PLEKHH2: variants seen among roughly 807,000 people sequenced by gnomAD.
The protein encoded by PLEKHH2 is pleckstrin homology domain-containing family H member 2.
In PLEKHH2, 129 loss-of-function variants were observed where a neutral mutation model predicts 187.9. The ratio of observed to expected loss-of-function variants is 0.69; its 90% confidence interval spans 0.59 to 0.79. The LOEUF is 0.79. Ranked by LOEUF, PLEKHH2 falls within the 30% of genes least tolerant of loss-of-function variation. The pLI is 0.00. For synonymous variants in PLEKHH2, 686 were observed against 605.6 expected (o/e 1.13, Z -1.95); for missense variants, 2,076 against 1,751.2 (o/e 1.19, Z -3.31).
At chr2:43,673,703 G>C (rs1207241565) in intron 2 of PLEKHH2, among the ~76,000 whole-genome samples, 2 of 152,182 alleles carry the variant, frequency 1.3e-5, no homozygotes, top group African/African-American at 4.8e-5. Flanking sequence ...TATAAATGCT[G>C]TGAAATAAGT....
intron 25 of PLEKHH2, among the ~76,000 whole-genome samples, chr2:43,756,071 T>C (rs1672198504): frequency 6.6e-6 from 1 of 152,142 alleles, no homozygotes; most frequent in South Asian, 2.1e-4. Context: ...CCCTTAATAC[T>C]CCCTACCTTG....
intron 17 of PLEKHH2, among the ~76,000 whole-genome samples, chr2:43,728,350 G>C (rs539233778): frequency 6.6e-6 from 1 of 151,026 alleles, no homozygotes; most frequent in Non-Finnish European, 1.5e-5. Context: ...GTGGTGACAG[G>C]TTCCTGTAAT....
chr2:43,752,604 C>T (rs1467112502), intron 24 of PLEKHH2, among the ~76,000 whole-genome samples: 5 of 152,110 alleles, frequency 3.3e-5, no homozygotes, highest in Non-Finnish European at 5.9e-5. Flanking sequence ...GAGCACACAC[C>T]TAACAGTTAC....
intron 21 of PLEKHH2, 151 bp from the exon 22 acceptor site, chr2:43,742,590 C>T: frequency 2.0e-6 from 1 of 508,938 alleles, no homozygotes. Flanking sequence ...AGGAAAGTTA[C>T]AGCAGTTTAG....
At position 43,714,986 on chromosome 2, in the gene PLEKHH2, A is replaced by C. The variant is rs13388754; in HGVS notation, c.2460+2603A>C. ...TCTAGGCTAGGAGACAGCGCGAATGAAGGCTTAGAGTCTTGAAGCAGTGGC... is the reference window on the plus strand; with the variant it reads ...TCTAGGCTAGGAGACAGCGCGAATGCAGGCTTAGAGTCTTGAAGCAGTGGC... On this transcript the variant is annotated intron_variant, in intron 15 of 29. Coordinates refer to ENST00000282406, the MANE Select transcript of PLEKHH2 (RefSeq NM_172069.4). 3.3e-3 allele frequency among the ~76,000 whole-genome samples: 498 copies of C among 152,274 alleles called. 4 individuals are homozygous for C. The highest frequency in any genetic ancestry group is 0.011 in the African/African-American group (474 of 41,564).
chr2:43,749,301 G>A (rs928264587), intron 24 of PLEKHH2, among the ~76,000 whole-genome samples: 1 of 152,168 alleles, frequency 6.6e-6, no homozygotes, highest in African/African-American at 2.4e-5. Context: ...GGAATGTCTG[G>A]GTTGCCATAA....
Position 43,745,965 on chromosome 2 carries a change from T to A in PLEKHH2, c.3653+2T>A. On this transcript the variant is annotated splice_donor_variant, in intron 24 of 29. Transcript: ENST00000282406. LOFTEE classifies it high-confidence loss of function. ...TGTTCGTCTGACATACAAAAACAGGTGTGTAATACTGCATCCAGATGCCAA... is the reference window on the plus strand; with the variant it reads ...TGTTCGTCTGACATACAAAAACAGGAGTGTAATACTGCATCCAGATGCCAA... 6.3e-7 allele frequency: 1 copy of A among 1,580,274 alleles called. No individual in the cohort carries two copies. The highest frequency in any genetic ancestry group is 8.7e-7 in the Non-Finnish European group (1 of 1,153,682).
intron 2 of PLEKHH2, among the ~76,000 whole-genome samples, chr2:43,674,713 G>A (rs1422128194): frequency 6.6e-6 from 1 of 152,076 alleles, no homozygotes; most frequent in Non-Finnish European, 1.5e-5. Context: ...GGCTGCGTGT[G>A]GTGGGTCATG....
At chr2:43,667,145 T>C (rs1311358848) in intron 2 of PLEKHH2, among the ~76,000 whole-genome samples, 2 of 152,128 alleles carry the variant, frequency 1.3e-5, no homozygotes, top group Non-Finnish European at 2.9e-5. Flanking sequence ...TTTTTGTATA[T>C]GATGCAAGAT....
At chr2:43,722,474 A>C (rs1366901530) in intron 16 of PLEKHH2, among the ~76,000 whole-genome samples, 1 of 152,138 alleles carries the variant, frequency 6.6e-6, no homozygotes, top group African/African-American at 2.4e-5. Flanking sequence ...TGAATCTTAC[A>C]TGAGCCCCAA....
intron 19 of PLEKHH2, among the ~76,000 whole-genome samples, chr2:43,734,966 A>G (rs1489989907): frequency 1.3e-5 from 2 of 152,200 alleles, no homozygotes; most frequent in East Asian, 3.9e-4. Context: ...GTTTGAGACC[A>G]GCCTGGCTAA....
intron 15 of PLEKHH2, among the ~76,000 whole-genome samples, chr2:43,719,937 A>T (rs1035265888): frequency 2.6e-5 from 4 of 152,154 alleles, no homozygotes; most frequent in African/African-American, 9.7e-5. Flanking sequence ...CCACATGGCT[A>T]TTGGAAATCT....
rs1671538730 is a variant in PLEKHH2 at position 43,741,022 on chromosome 2, T to C, written c.3200T>C (p.Leu1067Pro). 1 of 1,613,330 alleles carries C rather than the reference T, an allele frequency of 6.2e-7. No homozygotes were observed. Among genetic ancestry groups the C allele is most frequent in the African/African-American group, 1.3e-5 (1 of 74,868 alleles). ...HPFLWLLRLHLKRNADSRTEF... is the reference protein window; with the variant it reads ...HPFLWLLRLHPKRNADSRTEF... ...TTCCTGTGGCTCCTCAGGCTTCACC[T>C]AAAGAGGAATGCAGATTCCAGGTGT... The change falls in exon 21 of 30, where the codon CTA (leucine) becomes CCA (proline). Residue 1067 changes from leucine (L) to proline (P), a missense_variant. Coordinates refer to ENST00000282406, the MANE Select transcript of PLEKHH2 (RefSeq NM_172069.4).
chr2:43,746,427 C>T (rs1018390042), intron 24 of PLEKHH2, among the ~76,000 whole-genome samples: 6 of 152,112 alleles, frequency 3.9e-5, no homozygotes, highest in African/African-American at 1.4e-4. Flanking sequence ...GGGAGAATCA[C>T]CTGAGCCCAG....
rs751511438 is a variant in PLEKHH2 at position 43,706,324 on chromosome 2, T to G, written c.1729T>G (p.Ser577Ala). ...AFNMESVNKN[S>A]AATLSYTTSG... ...TGTTTCCTGTTTTTCTGTTTCAGAT[T>G]CTGCTGCAACCCTTTCCTATACTAC... is the stretch of plus-strand genomic sequence containing the variant. The change falls in exon 10 of 30, where the codon TCT becomes GCT. Residue 577 changes from serine to alanine, a missense_variant and splice_region_variant. By Grantham distance (99) the Ser-to-Ala change is moderately conservative (BLOSUM62 1). Coordinates refer to ENST00000282406, the MANE Select transcript of PLEKHH2 (RefSeq NM_172069.4). 1 of 1,598,720 alleles carries G rather than the reference T, an allele frequency of 6.3e-7. No individual in the cohort carries two copies. The highest frequency in any genetic ancestry group is 8.6e-7 in the Non-Finnish European group (1 of 1,167,402).
chr2:43,713,620 T>G (rs959362447), intron 15 of PLEKHH2, among the ~76,000 whole-genome samples: 1 of 151,824 alleles, frequency 6.6e-6, no homozygotes, highest in African/African-American at 2.4e-5. Context: ...CCAAAGTATA[T>G]TGGTTATCTC....
chr2:43,694,481 G>A lies in PLEKHH2; in HGVS notation c.387G>A (p.Lys129=). 1 of 1,563,752 alleles carries A rather than the reference G, an allele frequency of 6.4e-7. No individual in the cohort carries two copies. Residue 129 remains lysine (K), a synonymous_variant, in exon 5 of 30, where the codon AAG becomes AAA. Coordinates refer to ENST00000282406, the MANE Select transcript of PLEKHH2 (RefSeq NM_172069.4). ...EAKIIEEKAA[K]IKEWVTVKLN... The stretch of plus-strand genomic sequence containing the variant: ...AAATAATAGAAGAGAAAGCAGCTAA[G>A]ATAAAAGAATGGGTAACAGTTAAGT...
Position 43,710,095 on chromosome 2 carries a change from C to T in PLEKHH2, c.2072C>T (p.Thr691Ile). 6.2e-7 allele frequency: 1 copy of T among 1,613,034 alleles called. No homozygotes were observed. Among genetic ancestry groups the T allele is most frequent in the Non-Finnish European group, 8.5e-7 (1 of 1,179,700 alleles). Residue 691 changes from threonine (T) to isoleucine (I), a missense_variant, in exon 12 of 30, where the codon ACT (threonine) becomes ATT (isoleucine). Thr to Ile is a moderately conservative substitution (Grantham distance 89). Transcript: ENST00000282406. ...YSQPEQKLPK[T>I]CSSSSDNGKN... ...CAGCCAGAGCAGAAGCTCCCAAAAA[C>T]TTGCTCATCTTCCAGTGATAATGGG...
At chr2:43,710,445 T>A in intron 13 of PLEKHH2, 44 bp from the exon 14 acceptor site, 1 of 1,584,124 alleles carries the variant, frequency 6.3e-7, no homozygotes. Flanking sequence ...TTATTATTAC[T>A]GTTAAAGTTA....
Sources: allele counts gnomAD v4.1 joint callset (sites outside exome capture counted in the v4.1 genomes callset), GRCh38; gene constraint gnomAD v4.1.1; transcripts MANE v1.5; gene names NCBI Gene and HGNC (gene_info 2026-07-23, HGNC 2026-07-21).